CMYA5: variants seen among roughly 807,000 people sequenced by gnomAD.
CMYA5 encodes the protein cardiomyopathy associated 5.
Under a neutral mutation model 318.9 loss-of-function variants are expected in CMYA5, and 246 were observed. The observed-to-expected ratio is 0.77, with a 90% CI of 0.70 to 0.86. The LOEUF is 0.86. CMYA5 is among the 40% of genes least tolerant of loss of function. CMYA5 has a pLI of 0.00. For synonymous variants in CMYA5, 1,641 were observed against 1,729.5 expected (o/e 0.95, Z 1.27); for missense variants, 4,589 against 4,678.2 (o/e 0.98, Z 0.56).
intron 1 of CMYA5, among the ~76,000 whole-genome samples, chr5:79,712,493 A>T (rs989314648): frequency 1.3e-5 from 2 of 152,058 alleles, no homozygotes; most frequent in African/African-American, 4.8e-5. Context: ...GATTACAGGC[A>T]TGAGCCACCA....
chr5:79,733,335 G>C lies in CMYA5; in HGVS notation c.4570G>C (p.Glu1524Gln). ...KSLMSTSEVLEPEHELPLSLW... is the reference protein window; with the variant it reads ...KSLMSTSEVLQPEHELPLSLW... Reference sequence around the variant, plus strand: ...CTTGATGTCTACCTCAGAGGTGTTAGAGCCTGAACATGAGCTTCCACTCAG... The same window carrying C: ...CTTGATGTCTACCTCAGAGGTGTTACAGCCTGAACATGAGCTTCCACTCAG... Residue 1524 changes from glutamate to glutamine, a missense_variant, in exon 2 of 13, where the codon GAG becomes CAG. Physicochemically the swap from Glu to Gln is conservative, Grantham distance 29 (BLOSUM62 2). Around this residue, in one of 3 missense-constraint regions of CMYA5, gnomAD observed 2,132 missense variants for 2,131.3 expected, o/e 1.00. Coordinates refer to ENST00000446378, the MANE Select transcript of CMYA5 (RefSeq NM_153610.5). 1.2e-6 allele frequency: 2 copies of C among 1,613,600 alleles called. No individual in the cohort carries two copies. The highest frequency in any genetic ancestry group is 1.7e-6 in the Non-Finnish European group (2 of 1,179,820).
At chr5:79,692,536 T>C (rs965670404) in intron 1 of CMYA5, among the ~76,000 whole-genome samples, 1 of 152,228 alleles carries the variant, frequency 6.6e-6, no homozygotes. Context: ...TCCAGTGATA[T>C]GAATGTGACA....
Position 79,736,657 on chromosome 5 carries a change from A to C in CMYA5, c.7892A>C (p.Lys2631Thr). 2 of 1,613,786 alleles carry C rather than the reference A, an allele frequency of 1.2e-6. No individual in the cohort carries two copies. The highest frequency in any genetic ancestry group is 1.7e-6 in the Non-Finnish European group (2 of 1,179,798). Reference protein sequence around the residue: ...PLEESKVLVEKTKTFLPVALS... With the variant: ...PLEESKVLVETTKTFLPVALS... ...GAAGAAAGTAAAGTTTTGGTGGAGA[A>C]AACCAAGACTTTCCTGCCGGTGGCT... is the stretch of plus-strand genomic sequence containing the variant. Residue 2631 changes from lysine (K) to threonine (T), a missense_variant, in exon 2 of 13, where the codon AAA (lysine) becomes ACA (threonine). Physicochemically the swap from Lys to Thr is moderately conservative, Grantham distance 78. This residue lies in a region of CMYA5 where 2,431 missense variants were observed against 2,495.1 expected (regional missense o/e 0.97). Coordinates refer to ENST00000446378, the MANE Select transcript of CMYA5 (RefSeq NM_153610.5).
chr5:79,763,804 T>C (rs1199628435), intron 9 of CMYA5, among the ~76,000 whole-genome samples: 1 of 152,212 alleles, frequency 6.6e-6, no homozygotes, highest in Non-Finnish European at 1.5e-5. Flanking sequence ...TGTTAACTTA[T>C]CTACCGAGGT....
chr5:79,778,485 A>C (rs1828985920), intron 9 of CMYA5, among the ~76,000 whole-genome samples: 1 of 152,204 alleles, frequency 6.6e-6, no homozygotes. Flanking sequence ...ATTTTAGTTT[A>C]ACTGTGCATT....
At chr5:79,692,822 C>T (rs1018463555) in intron 1 of CMYA5, among the ~76,000 whole-genome samples, 8 of 152,190 alleles carry the variant, frequency 5.3e-5, no homozygotes, top group African/African-American at 1.9e-4. Flanking sequence ...GAGAGATGGT[C>T]TCAGCTTTCA....
In CMYA5 at chr5:79,731,501, G is replaced by C. The variant is rs747414345; in HGVS notation, c.2736G>C (p.Glu912Asp). 2 of 1,604,316 alleles carry C rather than the reference G, an allele frequency of 1.2e-6. No individual in the cohort carries two copies. Among genetic ancestry groups the C allele is most frequent in the South Asian group, 2.2e-5 (2 of 89,032 alleles). ...CAGTACCACCATATGCAACACCGGA[G>C]GCACAGGAGGAAGAAATTGTCCATA... ...EFSVPPYATP[E>D]AQEEEIVHRS... Residue 912 changes from glutamate (E) to aspartate (D), a missense_variant, in exon 2 of 13, where the codon GAG (glutamate) becomes GAC (aspartate). Physicochemically the swap from Glu to Asp is conservative, Grantham distance 45 (BLOSUM62 2). Around this residue, in one of 3 missense-constraint regions of CMYA5, gnomAD observed 2,132 missense variants for 2,131.3 expected, o/e 1.00. Transcript: ENST00000446378.
At chr5:79,727,092 T>C (rs1827765507) in intron 1 of CMYA5, among the ~76,000 whole-genome samples, 1 of 151,774 alleles carries the variant, frequency 6.6e-6, no homozygotes, top group Non-Finnish European at 1.5e-5. Context: ...ATTTTTGTAT[T>C]TTTCGTAGAG....
At position 79,731,528 on chromosome 5, in the gene CMYA5, A is replaced by T; in HGVS notation, c.2763A>T (p.Arg921Ser). 1 of 1,603,470 alleles carries T rather than the reference A, an allele frequency of 6.2e-7. No individual in the cohort carries two copies. The highest frequency in any genetic ancestry group is 8.5e-7 in the Non-Finnish European group (1 of 1,175,126). The part of the protein sequence containing the change: ...PEAQEEEIVH[R>S]SLNLKGASSP... Reference sequence around the variant, plus strand: ...CACAGGAGGAAGAAATTGTCCATAGATCTCTAAATCTAAAAGGTGCATCCT... The same window carrying T: ...CACAGGAGGAAGAAATTGTCCATAGTTCTCTAAATCTAAAAGGTGCATCCT... The change falls in exon 2 of 13, where the codon AGA (arginine) becomes AGT (serine). Residue 921 changes from arginine (R) to serine (S), a missense_variant. Around this residue, in one of 3 missense-constraint regions of CMYA5, gnomAD observed 2,132 missense variants for 2,131.3 expected, o/e 1.00. Coordinates refer to ENST00000446378, the MANE Select transcript of CMYA5 (RefSeq NM_153610.5).
At chr5:79,776,225 A>C (rs542029011) in intron 9 of CMYA5, among the ~76,000 whole-genome samples, 1 of 152,318 alleles carries the variant, frequency 6.6e-6, no homozygotes, top group South Asian at 2.1e-4. Flanking sequence ...TTTCCACACT[A>C]TTATGAACTA....
intron 11 of CMYA5, among the ~76,000 whole-genome samples, chr5:79,792,149 G>A (rs1750557708): frequency 6.6e-6 from 1 of 152,148 alleles, no homozygotes; most frequent in African/African-American, 2.4e-5. Context: ...CTGGACCCTG[G>A]CACCCTTTGA....
intron 1 of CMYA5, among the ~76,000 whole-genome samples, chr5:79,725,087 T>C (rs1301945289): frequency 6.6e-6 from 1 of 152,212 alleles, no homozygotes; most frequent in Non-Finnish European, 1.5e-5. Flanking sequence ...AAAATGTTCT[T>C]AACATTCAAC....
intron 4 of CMYA5, among the ~76,000 whole-genome samples, 184 bp from the exon 5 acceptor site, chr5:79,746,907 T>C (rs1828335106): frequency 6.6e-6 from 1 of 151,912 alleles, no homozygotes; most frequent in Non-Finnish European, 1.5e-5. Flanking sequence ...TGAGCACTTA[T>C]GTCCTTGCTG....
chr5:79,750,953 G>A (rs1828418203), intron 5 of CMYA5, among the ~76,000 whole-genome samples: 1 of 152,088 alleles, frequency 6.6e-6, no homozygotes, highest in Non-Finnish European at 1.5e-5. Flanking sequence ...TGTATTTTTA[G>A]AGGGCTTAGT....
intron 9 of CMYA5, among the ~76,000 whole-genome samples, chr5:79,777,808 GTTTTA>G (rs1401966575): frequency 1.3e-5 from 2 of 150,584 alleles, no homozygotes; most frequent in African/African-American, 2.5e-5. Context: ...TTTTTTTTAA[GTTTTA>G]TTTTATTGTT....
intron 1 of CMYA5, among the ~76,000 whole-genome samples, chr5:79,703,354 T>C (rs1047545452): frequency 1.3e-5 from 2 of 152,224 alleles, no homozygotes; most frequent in African/African-American, 4.8e-5. Flanking sequence ...AATCTGAGTA[T>C]TCACTGTTTA....
chr5:79,706,572 TC>T (rs1045245785), intron 1 of CMYA5, among the ~76,000 whole-genome samples: 46 of 152,220 alleles, frequency 3.0e-4, no homozygotes, highest in African/African-American at 9.9e-4. Flanking sequence ...CCCTATCTTA[TC>T]CATATGAACA....
At chr5:79,748,522 T>A (rs1225350524) in intron 5 of CMYA5, among the ~76,000 whole-genome samples, 1 of 36,188 alleles carries the variant, frequency 2.8e-5, no homozygotes, top group Non-Finnish European at 4.4e-5. Context: ...TCTATCTACC[T>A]ATCTATCTAT....
chr5:79,690,586 G>A (rs751759845), intron 1 of CMYA5, among the ~76,000 whole-genome samples: 38 of 152,182 alleles, frequency 2.5e-4, no homozygotes, highest in Non-Finnish European at 4.3e-4. Context: ...TCAAGTCCTG[G>A]TCCCAAATCC....
Sources: gnomAD v4.1 joint callset for allele counts (sites outside exome capture counted in the v4.1 genomes callset) on GRCh38, gnomAD v4.1.1 for gene constraint, gnomAD v4.1.1 regional missense constraint, MANE v1.5 for transcripts, NCBI Gene and HGNC (gene_info 2026-07-23, HGNC 2026-07-21) for gene names.